Variants in MEP1B observed in about 807,000 individuals in gnomAD.
MEP1B encodes meprin A subunit beta, also known as N-benzoyl-L-tyrosyl-P-amino-benzoic acid hydrolase subunit beta.
MEP1B carries 80 observed loss-of-function variants against 84.6 expected under a neutral mutation model. The ratio of observed to expected loss-of-function variants is 0.95; its 90% CI spans 0.79 to 1.14. The LOEUF is 1.14. Ranked by LOEUF, MEP1B falls within the 50% of genes most tolerant of loss-of-function variation. The probability of loss-of-function intolerance (pLI) is 0.00; values close to 1 mark genes in which losing one functional copy is unlikely to be tolerated. For missense variants in MEP1B, 766 were observed against 855.1 expected, an observed-to-expected ratio of 0.90 and a Z score of 1.30; for synonymous variants, 273 against 288.1, an observed-to-expected ratio of 0.95 and a Z score of 0.53.
chr18:32,204,253 T>C lies in MEP1B; in HGVS notation c.440T>C (p.Ile147Thr), dbSNP rs1233151461. The change falls in exon 7 of 15, where the codon ATA becomes ACA. Residue 147 changes from isoleucine to threonine, a missense_variant. Physicochemically the swap from Ile to Thr is moderately conservative, Grantham distance 89. Transcript: ENST00000269202. ...ELSIGANCDR[I>T]ATVQHEFLHA... is the part of the protein sequence containing the mutation. ...TCCATCGGGGCAAACTGTGACCGAATAGCAACAGTTCAACACGAGTTCCTC... is the reference window on the plus strand; with the variant it reads ...TCCATCGGGGCAAACTGTGACCGAACAGCAACAGTTCAACACGAGTTCCTC... 7 of 1,605,076 alleles carry C rather than the reference T, an allele frequency of 4.4e-6. No individual in the cohort carries two copies. In the Admixed American group the frequency reaches 1.0e-4, roughly 23 times the overall value.
intron 9 of MEP1B, 75 bp from the exon 10 acceptor site, chr18:32,210,426 T>C: frequency 7.9e-7 from 1 of 1,268,094 alleles, no homozygotes; most frequent in Non-Finnish European, 1.1e-6. Context: ...GTAAAGAATC[T>C]AGCACCACCA....
chr18:32,217,991 T>C (rs780189868), intron 14 of MEP1B, 26 bp downstream of exon 14: 19 of 1,608,366 alleles, frequency 1.2e-5, no homozygotes, highest in Non-Finnish European at 1.5e-5. Flanking sequence ...TGTTTGATTA[T>C]TCATAACCTA....
At chr18:32,203,239 C>T in intron 6 of MEP1B, 1 of 412,504 alleles carries the variant, frequency 2.4e-6, no homozygotes, top group Non-Finnish European at 4.3e-6. Flanking sequence ...GATTGCATGC[C>T]ATCAGACCCA....
Position 32,213,431 on chromosome 18 carries a change from A to G in MEP1B, c.1451A>G (p.Asn484Ser), listed in dbSNP as rs371428573. ...TATTTCCACTTGATCTCTGGAGCCAATGATGATCAATTACAGTGGCCATGT... is the reference window on the plus strand; with the variant it reads ...TATTTCCACTTGATCTCTGGAGCCAGTGATGATCAATTACAGTGGCCATGT... ...GIYFHLISGA[N>S]DDQLQWPCPW... Residue 484 changes from asparagine (N) to serine (S), a missense_variant, in exon 11 of 15, where the codon AAT (asparagine) becomes AGT (serine). Asn to Ser is a conservative substitution (Grantham distance 46, BLOSUM62 1). Transcript: ENST00000269202. 1.5e-5 allele frequency: 25 copies of G among 1,613,772 alleles called. No homozygotes were observed. The African/African-American group carries it at 2.1e-4, about 14-fold the overall frequency.
Position 32,196,202 on chromosome 18 carries a change from CT to C in MEP1B, c.250+722del. The C allele has an allele frequency of 4.4e-6, 3 of 676,776 alleles. No homozygotes were observed. Among genetic ancestry groups the C allele is most frequent in the Non-Finnish European group, 8.3e-6 (3 of 359,502 alleles). The allele number at this position is 676,776 out of a possible 1,614,324, so 41.9% of individuals were successfully genotyped here. On this transcript the variant is annotated intron_variant, in intron 5 of 14. Transcript: ENST00000269202. This position sits in a 1 kb window ranked among gnomAD's most constrained non-coding sequence, Gnocchi z 4.4. The stretch of plus-strand genomic sequence containing the variant: ...ACCTCGGCTTTCAGACTCTCCAAGT[CT>C]TTTTGGCTGAGAGGAATGAAGAGGA...
intron 5 of MEP1B, among the ~76,000 whole-genome samples, chr18:32,197,260 A>C (rs1406302258): frequency 1.3e-5 from 2 of 152,166 alleles, no homozygotes; most frequent in Non-Finnish European, 2.9e-5. Context: ...ATGTTGGAAA[A>C]CTCTAAACAT....
intron 5 of MEP1B, among the ~76,000 whole-genome samples, chr18:32,198,691 T>C (rs901678747): frequency 6.6e-6 from 1 of 152,152 alleles, no homozygotes; most frequent in African/African-American, 2.4e-5. Flanking sequence ...AGGACTTGGG[T>C]CTTCCCGGTG....
chr18:32,195,449 C>T lies in MEP1B; in HGVS notation c.214C>T (p.Pro72Ser), dbSNP rs371763602. The T allele has an allele frequency of 1.1e-5, 18 of 1,611,748 alleles. No homozygotes were observed. Among genetic ancestry groups the T allele is most frequent in the Non-Finnish European group, 1.4e-5 (16 of 1,178,406 alleles). Reference protein sequence around the residue: ...NSIIGEKYRWPHTIPYVLEDS... With the variant: ...NSIIGEKYRWSHTIPYVLEDS... Reference sequence around the variant, plus strand: ...CATCATTGGAGAAAAGTATAGATGGCCTCATACCATTCCATATGTTCTAGA... The same window carrying T: ...CATCATTGGAGAAAAGTATAGATGGTCTCATACCATTCCATATGTTCTAGA... Residue 72 changes from proline to serine, a missense_variant, in exon 5 of 15, where the codon CCT (proline) becomes TCT (serine). Pro to Ser is a moderately conservative substitution (Grantham distance 74). Transcript: ENST00000269202.
rs2040850828 is a variant in MEP1B, at chr18:32,196,078, A to T, written c.250+593A>T. ...ATTGGCAGCCCGGGGCTGGGAACCC[A>T]GGTCCTCTGGTGCCCCCGCTGGCTC... is the stretch of plus-strand genomic sequence containing the variant. On this transcript the variant is annotated intron_variant, in intron 5 of 14. Transcript: ENST00000269202. This position sits in a 1 kb window ranked among gnomAD's most constrained non-coding sequence, Gnocchi z 4.4. 4.4e-6 allele frequency: 2 copies of T among 456,752 alleles called. No homozygotes were observed. The highest frequency in any genetic ancestry group is 4.1e-6 in the Non-Finnish European group (1 of 246,350). The allele number at this position is 456,752 out of a possible 1,614,324, so 28.3% of individuals were successfully genotyped here. A position where few individuals can be genotyped will look rare whatever the true frequency, so the allele number is the denominator to read the frequency against.
chr18:32,215,377 G>A, intron 12 of MEP1B, 116 bp downstream of exon 12: 2 of 564,802 alleles, frequency 3.5e-6, no homozygotes, highest in South Asian at 4.1e-5. Context: ...AGATGTGGGG[G>A]GAATGGGCAT....
At chr18:32,202,503 T>A (rs557256937) in intron 5 of MEP1B, among the ~76,000 whole-genome samples, 1 of 152,170 alleles carries the variant, frequency 6.6e-6, no homozygotes, top group Non-Finnish European at 1.5e-5. Context: ...CATCTGAAGA[T>A]CCTCAGATTA....
intron 11 of MEP1B, among the ~76,000 whole-genome samples, 187 bp from the exon 12 acceptor site, chr18:32,214,895 C>T (rs780842999): frequency 6.6e-6 from 1 of 152,208 alleles, no homozygotes; most frequent in Non-Finnish European, 1.5e-5. Context: ...CAGGCAATTT[C>T]ATTTCCTCTA....
chr18:32,201,094 C>T (rs535311158), intron 5 of MEP1B, among the ~76,000 whole-genome samples: 2 of 152,162 alleles, frequency 1.3e-5, no homozygotes, highest in East Asian at 3.9e-4. Context: ...TCACGTGTTA[C>T]TTTATTTATT....
At chr18:32,200,133 A>T (rs1447059668) in intron 5 of MEP1B, among the ~76,000 whole-genome samples, 1 of 152,096 alleles carries the variant, frequency 6.6e-6, no homozygotes, top group Non-Finnish European at 1.5e-5. Flanking sequence ...TCATCTTGCA[A>T]ATTGGAGGAT....
intron 6 of MEP1B, among the ~76,000 whole-genome samples, chr18:32,203,671 A>G (rs2040934945): frequency 6.6e-6 from 1 of 152,150 alleles, no homozygotes; most frequent in Non-Finnish European, 1.5e-5. Flanking sequence ...GGACTCGGTA[A>G]TTTATACAGA....
intron 4 of MEP1B, among the ~76,000 whole-genome samples, chr18:32,195,194 T>C (rs1426331212): frequency 6.6e-6 from 1 of 152,224 alleles, no homozygotes; most frequent in African/African-American, 2.4e-5. Context: ...TCTTCAACTG[T>C]ATTAACAAAA....
chr18:32,204,384 GT>G (rs2040944105), intron 7 of MEP1B, 24 bp downstream of exon 7: 2 of 1,549,648 alleles, frequency 1.3e-6, no homozygotes, highest in South Asian at 2.4e-5. Context: ...TTTTTCCTAT[GT>G]TTTTAGTTAA....
chr18:32,207,436 T>C lies in MEP1B; in HGVS notation c.732T>C (p.Ser244=). The change falls in exon 8 of 15, where the codon TCT becomes TCC. Residue 244 remains serine (S), a synonymous_variant. Transcript: ENST00000269202. ...VIGQRMDFSD[S]DLLKLNQLYN... is the part of the protein sequence containing the mutation. ...GCCAACGAATGGATTTCAGTGACTC[T>C]GATCTCCTAAAGTTGAATCAACTGT... The C allele has an allele frequency of 1.2e-6, 2 of 1,612,548 alleles. No individual in the cohort carries two copies. Among genetic ancestry groups the C allele is most frequent in the Non-Finnish European group, 1.7e-6 (2 of 1,179,132 alleles).
intron 14 of MEP1B, among the ~76,000 whole-genome samples, chr18:32,218,232 G>C (rs570689360): frequency 6.6e-6 from 1 of 152,152 alleles, no homozygotes; most frequent in Admixed American, 6.5e-5. Flanking sequence ...CCTGGAGTGT[G>C]GGGTGGTCTG....
Sources: allele counts gnomAD v4.1 joint callset (sites outside exome capture counted in the v4.1 genomes callset), GRCh38; gene constraint gnomAD v4.1.1; non-coding constraint Gnocchi (gnomAD v3.1); transcripts MANE v1.5; gene names NCBI Gene and HGNC (gene_info 2026-07-23, HGNC 2026-07-21).